BCAT1: variants seen among roughly 807,000 people sequenced by gnomAD.
BCAT1 encodes branched chain amino acid transaminase 1, also known as branched-chain-amino-acid aminotransferase, cytosolic.
BCAT1 carries 48 observed loss-of-function variants against 52.4 expected under a neutral mutation model. The observed-to-expected ratio is 0.92, with a 90% confidence interval of 0.73 to 1.16. The LOEUF (loss-of-function observed/expected upper bound fraction) is 1.16. Ranked by LOEUF, BCAT1 falls within the 50% of genes most tolerant of loss-of-function variation. The pLI is 0.00. For synonymous variants in BCAT1, 167 were observed against 161.3 expected (o/e 1.04, Z -0.27); for missense variants, 451 against 457.1 (o/e 0.99, Z 0.12).
intron 3 of BCAT1, among the ~76,000 whole-genome samples, chr12:24,891,668 A>G (rs760553210): frequency 1.3e-5 from 2 of 152,156 alleles, no homozygotes; most frequent in African/African-American, 4.8e-5. Flanking sequence ...GTTTTTTTAA[A>G]CTACCCTAAT....
Position 24,816,223 on chromosome 12 carries a change from A to T in BCAT1, c.*1785T>A. 1 of 316,318 alleles carries T rather than the reference A, an allele frequency of 3.2e-6. No homozygotes were observed. Among genetic ancestry groups the T allele is most frequent in the Admixed American group, 4.9e-5 (1 of 20,360 alleles). 19.6% of individuals were successfully genotyped at this position (316,318 alleles called of 1,614,324 possible). On this transcript the variant is annotated 3_prime_UTR_variant, in exon 11 of 11. Transcript: ENST00000261192. ...GGAAAAGAATCAAAGCCCATTTTCT[A>T]TGTGTTGCTAAATGCCTCAAGGAAA...
chr12:24,879,476 T>C (rs1275334336), intron 4 of BCAT1, among the ~76,000 whole-genome samples: 6 of 152,226 alleles, frequency 3.9e-5, no homozygotes, highest in African/African-American at 1.2e-4. Flanking sequence ...AGAGATGTGA[T>C]GGGTCACCTA....
At chr12:24,844,622 GGC>G (rs1941278622) in intron 6 of BCAT1, among the ~76,000 whole-genome samples, 1 of 151,998 alleles carries the variant, frequency 6.6e-6, no homozygotes, top group African/African-American at 2.4e-5. Flanking sequence ...AAAAGGGCCA[GGC>G]GCGGTGGCTC....
At chr12:24,827,931 T>A (rs1940479171) in intron 10 of BCAT1, among the ~76,000 whole-genome samples, 1 of 152,214 alleles carries the variant, frequency 6.6e-6, no homozygotes, top group Non-Finnish European at 1.5e-5. Flanking sequence ...ATTTCCCTTT[T>A]TTTAGAGGAA....
intron 6 of BCAT1, among the ~76,000 whole-genome samples, chr12:24,845,219 C>CA (rs567739313): frequency 0.21 from 23,175 of 109,630 alleles, 2,017 homozygotes; most frequent in Middle Eastern, 0.33. Context: ...CCCCTCCCAG[C>CA]AAAAAAAAAA....
At chr12:24,886,216 G>A (rs777725541) in intron 3 of BCAT1, among the ~76,000 whole-genome samples, 99 of 152,186 alleles carry the variant, frequency 6.5e-4, no homozygotes, top group Admixed American at 1.2e-3. Flanking sequence ...CCAGGAGTTC[G>A]AGACCAGCCT....
chr12:24,852,451 G>A (rs1476507807), intron 5 of BCAT1, among the ~76,000 whole-genome samples: 2 of 148,910 alleles, frequency 1.3e-5, no homozygotes, highest in African/African-American at 2.5e-5. Flanking sequence ...AAAAATGGCT[G>A]GGACTTTTTT....
chr12:24,832,359 A>C (rs1940703500), intron 9 of BCAT1, among the ~76,000 whole-genome samples: 1 of 127,284 alleles, frequency 7.9e-6, no homozygotes, highest in Non-Finnish European at 1.7e-5. Flanking sequence ...ATCTGGATAA[A>C]CTGTCCCAGT....
intron 1 of BCAT1, among the ~76,000 whole-genome samples, chr12:24,934,234 C>G (rs1222049168): frequency 6.6e-6 from 1 of 152,226 alleles, no homozygotes; most frequent in African/African-American, 2.4e-5. Flanking sequence ...TGTGGCACTT[C>G]TCCCTTCTCA....
intron 7 of BCAT1, among the ~76,000 whole-genome samples, chr12:24,841,300 A>T (rs373059247): frequency 6.6e-6 from 1 of 152,236 alleles, no homozygotes; most frequent in South Asian, 2.1e-4. Context: ...AAAGGCAACA[A>T]TTGTTAAAAC....
intron 8 of BCAT1, chr12:24,834,605 A>T (rs1346458967): frequency 2.0e-6 from 2 of 980,394 alleles, no homozygotes; most frequent in African/African-American, 3.5e-5. Flanking sequence ...AGCTCTTGGC[A>T]ATATTCAAAA....
intron 10 of BCAT1, among the ~76,000 whole-genome samples, chr12:24,821,533 T>C (rs993718139): frequency 3.3e-5 from 5 of 152,210 alleles, no homozygotes; most frequent in Non-Finnish European, 7.3e-5. Context: ...TAAGAAATAA[T>C]TTGATATTAT....
intron 1 of BCAT1, among the ~76,000 whole-genome samples, chr12:24,924,083 T>G (rs771612907): frequency 2.7e-5 from 4 of 149,094 alleles, no homozygotes; most frequent in Admixed American, 1.3e-4. Flanking sequence ...ATATACATTC[T>G]CGTTTCCTCC....
intron 3 of BCAT1, among the ~76,000 whole-genome samples, chr12:24,887,806 C>T (rs181941005): frequency 1.8e-4 from 27 of 152,322 alleles, no homozygotes; most frequent in Admixed American, 1.6e-3. Flanking sequence ...GTTCCCTACT[C>T]GCAGTTTGCG....
At chr12:24,856,035 C>CT (rs1022568257) in intron 5 of BCAT1, among the ~76,000 whole-genome samples, 1 of 152,162 alleles carries the variant, frequency 6.6e-6, no homozygotes, top group Non-Finnish European at 1.5e-5. Context: ...GATATCCCAC[C>CT]TTTTTAGGCC....
chr12:24,836,644 A>C lies in BCAT1; in HGVS notation c.818-48T>G, dbSNP rs773018164. 1.8e-5 allele frequency: 26 copies of C among 1,447,312 alleles called. No individual in the cohort carries two copies. In the East Asian group the frequency reaches 6.1e-4, roughly 34 times the overall value. 89.7% of individuals were successfully genotyped at this position (1,447,312 alleles called of 1,614,324 possible). ...TTTTCAAACTTTCACTACATTAGGC[A>C]TGCCTTATTATCAATAGCCATTTTT... is the stretch of plus-strand genomic sequence containing the variant. On this transcript the variant is annotated intron_variant, in intron 7 of 10. Transcript: ENST00000261192.
intron 1 of BCAT1, among the ~76,000 whole-genome samples, chr12:24,913,886 C>A (rs1943366131): frequency 6.6e-6 from 1 of 151,974 alleles, no homozygotes; most frequent in African/African-American, 2.4e-5. Context: ...CACAGACAGG[C>A]TGGGGGTGGT....
chr12:24,834,876 C>T, intron 8 of BCAT1: 1 of 854,300 alleles, frequency 1.2e-6, no homozygotes, highest in Non-Finnish European at 1.4e-6. Flanking sequence ...CTCACCCTTA[C>T]TTATCTTTGG....
intron 10 of BCAT1, among the ~76,000 whole-genome samples, chr12:24,827,953 T>C (rs910797526): frequency 6.6e-6 from 1 of 152,180 alleles, no homozygotes; most frequent in Non-Finnish European, 1.5e-5. Context: ...GTTCTCACTA[T>C]GTTGCCTAGG....
Sources: allele counts gnomAD v4.1 joint callset (sites outside exome capture counted in the v4.1 genomes callset), GRCh38; gene constraint gnomAD v4.1.1; transcripts MANE v1.5; gene names NCBI Gene and HGNC (gene_info 2026-07-23, HGNC 2026-07-21).